RMDN2: variants seen among roughly 807,000 people sequenced by gnomAD.
RMDN2 encodes the protein regulator of microtubule dynamics protein 2.
RMDN2 carries 61 observed loss-of-function variants against 52.8 expected under a neutral mutation model. That is an observed-to-expected ratio of 1.16 (90% confidence interval 0.94 to 1.43). RMDN2 has a LOEUF of 1.43. RMDN2 is among the 40% of genes most tolerant of loss of function. The pLI is 0.00. For missense variants in RMDN2, 592 were observed against 475.3 expected, an observed-to-expected ratio of 1.25 and a Z score of -2.28; for synonymous variants, 180 against 153.1, an observed-to-expected ratio of 1.18 and a Z score of -1.30.
At chr2:38,028,229 G>A (rs148416625) in intron 10 of RMDN2, 1 of 152,298 alleles carries the variant, frequency 6.6e-6, no homozygotes, top group African/African-American at 2.4e-5. Context: ...AATTAAGTAT[G>A]AAAGTGACTA....
intron 2 of RMDN2, among the ~76,000 whole-genome samples, chr2:37,943,507 T>A (rs1036348139): frequency 6.6e-6 from 1 of 152,234 alleles, no homozygotes; most frequent in Non-Finnish European, 1.5e-5. Context: ...GCATGTCTCA[T>A]GTTGTTTTAG....
At chr2:37,996,410 C>A (rs1675540061) in intron 7 of RMDN2, among the ~76,000 whole-genome samples, 2 of 151,708 alleles carry the variant, frequency 1.3e-5, no homozygotes, top group Admixed American at 1.3e-4. Context: ...TATAGGAAGA[C>A]CCTGTCTCTA....
intron 2 of RMDN2, among the ~76,000 whole-genome samples, chr2:37,940,856 A>G (rs1453805201): frequency 6.6e-6 from 1 of 152,050 alleles, no homozygotes; most frequent in Non-Finnish European, 1.5e-5. Flanking sequence ...AGCTCGAAGG[A>G]GTTTGTTATT....
chr2:38,031,509 T>G (rs1378084020), intron 10 of RMDN2, among the ~76,000 whole-genome samples: 1 of 152,102 alleles, frequency 6.6e-6, no homozygotes, highest in African/African-American at 2.4e-5. Flanking sequence ...TACAGAACTG[T>G]AATTTACATT....
Position 37,980,491 on chromosome 2 carries a change from A to G in RMDN2, c.731-792A>G, listed in dbSNP as rs142483882. ...GCTAATTTTTGTGTTTTTAGTAGAGACAGGGTTTCGCCATGTTGGCCAGAT... is the reference window on the plus strand; with the variant it reads ...GCTAATTTTTGTGTTTTTAGTAGAGGCAGGGTTTCGCCATGTTGGCCAGAT... On this transcript the variant is annotated intron_variant, in intron 4 of 10. Coordinates refer to ENST00000354545, the MANE Select transcript of RMDN2 (RefSeq NM_001170791.3). Among the ~76,000 whole-genome samples, 1,341 of 152,104 alleles carry G rather than the reference A, an allele frequency of 8.8e-3. 13 individuals carry two copies. Among genetic ancestry groups the G allele is most frequent in the African/African-American group, 0.03 (1,265 of 41,482 alleles).
Position 37,981,317 on chromosome 2 carries a change from A to G in RMDN2, c.765A>G (p.Ala255=), listed in dbSNP as rs1673281131. 1.2e-6 allele frequency: 2 copies of G among 1,607,664 alleles called. No homozygotes were observed. The highest frequency in any genetic ancestry group is 4.5e-5 in the East Asian group (2 of 44,810). ...KTLSERAINR[A]PMNGHCHLWY... ...TAAGTGAAAGAGCTATTAATAGAGCACCCATGAATGGACATTGTCATCTGT... is the reference window on the plus strand; with the variant it reads ...TAAGTGAAAGAGCTATTAATAGAGCGCCCATGAATGGACATTGTCATCTGT... Residue 255 remains alanine, a synonymous_variant, in exon 5 of 11, where the codon GCA becomes GCG. Coordinates refer to ENST00000354545, the MANE Select transcript of RMDN2 (RefSeq NM_001170791.3).
chr2:37,933,654 G>C lies in RMDN2; in HGVS notation c.452+3925G>C, dbSNP rs369980886. Among the ~76,000 whole-genome samples the C allele has an allele frequency of 1.4e-3, 220 of 152,368 alleles. 5 individuals are homozygous for C. In the East Asian group the frequency reaches 0.037, roughly 26 times the overall value. ...AGGCGTGGCGGCGTGCGCCTGCAAT[G>C]GCAGGCACTTGGCAGGCTGAGGCAG... On this transcript the variant is annotated intron_variant, in intron 2 of 10. Coordinates refer to ENST00000354545, the MANE Select transcript of RMDN2 (RefSeq NM_001170791.3).
intron 10 of RMDN2, chr2:38,030,281 C>G (rs1680094680): frequency 6.6e-6 from 1 of 152,210 alleles, no homozygotes; most frequent in Non-Finnish European, 1.5e-5. Context: ...GAAGTACAGA[C>G]CACATATGAA....
At chr2:37,983,248 A>T (rs1673567815) in intron 5 of RMDN2, among the ~76,000 whole-genome samples, 1 of 152,134 alleles carries the variant, frequency 6.6e-6, no homozygotes. Context: ...CCAAATTTTC[A>T]TAGAGGAGCA....
chr2:38,042,134 G>A (rs146639170), intron 10 of RMDN2, among the ~76,000 whole-genome samples: 194 of 152,154 alleles, frequency 1.3e-3, no homozygotes, highest in African/African-American at 4.4e-3. Flanking sequence ...GTAAATATAG[G>A]CCTACTTTAA....
intron 2 of RMDN2, among the ~76,000 whole-genome samples, chr2:37,936,919 T>C (rs926813327): frequency 6.6e-6 from 1 of 152,238 alleles, no homozygotes; most frequent in African/African-American, 2.4e-5. Context: ...TTGTCAATTT[T>C]GGCTTTTGCT....
chr2:38,000,391 A>G (rs1214036318), intron 8 of RMDN2, among the ~76,000 whole-genome samples: 3 of 152,224 alleles, frequency 2.0e-5, no homozygotes, highest in Admixed American at 2.0e-4. Flanking sequence ...TGTACAGTTC[A>G]GTGAAGTTTG....
intron 2 of RMDN2, among the ~76,000 whole-genome samples, chr2:37,931,485 A>G (rs1277147604): frequency 6.6e-6 from 1 of 152,196 alleles, no homozygotes; most frequent in Non-Finnish European, 1.5e-5. Flanking sequence ...CTAGGGACTA[A>G]CCAGAGAAGG....
At chr2:37,949,448 G>A (rs1422991209) in intron 2 of RMDN2, among the ~76,000 whole-genome samples, 2 of 152,174 alleles carry the variant, frequency 1.3e-5, no homozygotes, top group African/African-American at 4.8e-5. Flanking sequence ...TGGGACAAAG[G>A]AGAACTGATG....
chr2:37,925,334 G>A lies in RMDN2; in HGVS notation c.-108G>A, dbSNP rs1218697032. 1.3e-5 allele frequency: 2 copies of A among 152,228 alleles called. No homozygotes were observed. Among genetic ancestry groups the A allele is most frequent in the African/African-American group, 4.8e-5 (2 of 41,444 alleles). 9.4% of individuals were successfully genotyped at this position (152,228 alleles called of 1,614,324 possible). A position where few individuals can be genotyped will look rare whatever the true frequency, so the allele number is the denominator to read the frequency against. ...CGCGGCGCGGGACCTTAGGACCCGC[G>A]GGCTCCAGGGCTACTGTCCGTCCGC... On this transcript the variant is annotated 5_prime_UTR_variant, in exon 1 of 11. Transcript: ENST00000354545.
At chr2:38,022,157 G>C (rs1679432586), downstream of RMDN2, among the ~76,000 whole-genome samples, 1 of 152,184 alleles carries the variant, frequency 6.6e-6, no homozygotes, top group Non-Finnish European at 1.5e-5. Context: ...GTACTGTGTA[G>C]ATAAAGATGA....
intron 10 of RMDN2, chr2:38,012,703 G>C (rs1285163090): frequency 7.2e-6 from 3 of 419,434 alleles, no homozygotes; most frequent in Non-Finnish European, 1.4e-5. Context: ...GATGAAGTGA[G>C]TTATATGTAA....
Position 38,047,488 on chromosome 2 carries a change from T to G in RMDN2, c.1714-19494T>G, listed in dbSNP as rs1244818969. Among the ~76,000 whole-genome samples the G allele has an allele frequency of 2.0e-5, 3 of 152,332 alleles. No individual in the cohort carries two copies. The South Asian group carries it at 6.2e-4, about 32-fold the overall frequency. On this transcript the variant is annotated intron_variant, in intron 10 of 10. Transcript: ENST00000234195. ...CAAAGTAGATGACTCTTCCTAACAT[T>G]ATGCTAAGTGAAAGAAGCTGGATGC...
intron 10 of RMDN2, among the ~76,000 whole-genome samples, chr2:38,023,544 T>C (rs748086456): frequency 1.3e-5 from 2 of 152,204 alleles, no homozygotes; most frequent in Non-Finnish European, 2.9e-5. Context: ...GATAAGGTAG[T>C]GAAGCCTGTT....
Sources: gnomAD v4.1 joint callset for allele counts (sites outside exome capture counted in the v4.1 genomes callset) on GRCh38, gnomAD v4.1.1 for gene constraint, MANE v1.5 for transcripts, NCBI Gene and HGNC (gene_info 2026-07-23, HGNC 2026-07-21) for gene names.